MAGI2: variants seen among roughly 807,000 people sequenced by gnomAD.
MAGI2 encodes the protein membrane-associated guanylate kinase, WW and PDZ domain-containing protein 2.
A neutral mutation model predicts 133.3 loss-of-function variants in MAGI2; 35 were observed. That is an observed-to-expected ratio of 0.26 (90% CI 0.20 to 0.35). The LOEUF (loss-of-function observed/expected upper bound fraction) is 0.35. Among genes scored for constraint, MAGI2 ranks in the 10% least tolerant of loss-of-function variants. The probability of loss-of-function intolerance (pLI) is 1.00; values close to 1 mark genes in which losing one functional copy is unlikely to be tolerated. For synonymous variants in MAGI2, 729 were observed against 710.6 expected (o/e 1.03, Z -0.41); for missense variants, 1,636 against 1,863.4 (o/e 0.88, Z 2.25).
intron 10 of MAGI2, chr7:78,251,706 A>G (rs976788348): frequency 6.6e-6 from 1 of 152,226 alleles, no homozygotes; most frequent in Non-Finnish European, 1.5e-5. Context: ...TTTCTGAGAG[A>G]AATTAAAGAT....
In MAGI2 at chr7:78,953,962, A is replaced by G. The variant is rs138868319; in HGVS notation, c.418+53128T>C. On this transcript the variant is annotated intron_variant, in intron 2 of 21. Coordinates refer to ENST00000354212, the MANE Select transcript of MAGI2 (RefSeq NM_012301.4). ...TCATAGTGTTGAGGGGCTATGCTAG[A>G]TCTAAAATTTTCATTTGAAATTTTC... Among the ~76,000 whole-genome samples the G allele has an allele frequency of 2.6e-3, 393 of 152,262 alleles. 3 individuals are homozygous for G. Among genetic ancestry groups the G allele is most frequent in the African/African-American group, 9.1e-3 (380 of 41,566 alleles).
chr7:78,944,326 T>A (rs1447393699), intron 2 of MAGI2, among the ~76,000 whole-genome samples: 1 of 152,160 alleles, frequency 6.6e-6, no homozygotes, highest in Non-Finnish European at 1.5e-5. Context: ...GGCCTTTCAG[T>A]GGCTGCCCCT....
At chr7:78,312,959 T>C (rs1280494825) in intron 9 of MAGI2, among the ~76,000 whole-genome samples, 2 of 151,066 alleles carry the variant, frequency 1.3e-5, no homozygotes, top group African/African-American at 4.9e-5. Flanking sequence ...TATATAGATA[T>C]ATGTATATAC....
chr7:78,137,924 G>A (rs1323218627), intron 16 of MAGI2, among the ~76,000 whole-genome samples: 1 of 40,552 alleles, frequency 2.5e-5, no homozygotes, highest in Admixed American at 1.9e-4. Flanking sequence ...ACTGTGCTAA[G>A]TGATAATATA....
intron 3 of MAGI2, among the ~76,000 whole-genome samples, chr7:78,566,849 T>C (rs971794716): frequency 1.3e-5 from 2 of 152,150 alleles, no homozygotes; most frequent in Non-Finnish European, 1.5e-5. Flanking sequence ...AAAAAATTCA[T>C]GTAATCAGCC....
At chr7:79,115,106 TC>T (rs761779656) in intron 1 of MAGI2, among the ~76,000 whole-genome samples, 7 of 152,150 alleles carry the variant, frequency 4.6e-5, no homozygotes, top group Non-Finnish European at 8.8e-5. Flanking sequence ...TGCAAGAGGA[TC>T]GGGGGAGGAA....
intron 2 of MAGI2, among the ~76,000 whole-genome samples, chr7:78,649,867 T>TG (rs5885080): frequency 0.061 from 9,342 of 152,190 alleles, 400 homozygotes; most frequent in Non-Finnish European, 0.086. Context: ...CGCATGAAAG[T>TG]GCTGAGGATT....
At chr7:78,691,337 G>A (rs996210810) in intron 2 of MAGI2, among the ~76,000 whole-genome samples, 2 of 152,148 alleles carry the variant, frequency 1.3e-5, no homozygotes, top group African/African-American at 4.8e-5. Flanking sequence ...TGTGTGGCTT[G>A]ATTCCTGTTT....
intron 5 of MAGI2, among the ~76,000 whole-genome samples, chr7:78,499,951 ATTCT>A (rs1380572950): frequency 6.6e-6 from 1 of 152,212 alleles, no homozygotes; most frequent in Non-Finnish European, 1.5e-5. Flanking sequence ...TTTTTTAAAC[ATTCT>A]TTCTATTTTC....
At chr7:78,683,837 A>T (rs1251174435) in intron 2 of MAGI2, among the ~76,000 whole-genome samples, 1 of 152,202 alleles carries the variant, frequency 6.6e-6, no homozygotes, top group Non-Finnish European at 1.5e-5. Flanking sequence ...TCTTTGGTGG[A>T]GAACAGTACA....
chr7:79,202,278 G>A (rs1308594336), intron 1 of MAGI2, among the ~76,000 whole-genome samples: 1 of 151,906 alleles, frequency 6.6e-6, no homozygotes, highest in Non-Finnish European at 1.5e-5. Flanking sequence ...CTGGAGATGG[G>A]TGGTAAGGAA....
At chr7:78,582,335 T>C (rs1802920218) in intron 3 of MAGI2, among the ~76,000 whole-genome samples, 2 of 152,284 alleles carry the variant, frequency 1.3e-5, no homozygotes, top group South Asian at 4.1e-4. Context: ...AAACATTAGA[T>C]CTGGATATTC....
intron 2 of MAGI2, among the ~76,000 whole-genome samples, chr7:78,739,763 A>T (rs958499230): frequency 6.6e-6 from 1 of 152,156 alleles, no homozygotes; most frequent in Admixed American, 6.5e-5. Flanking sequence ...GTTTGTTTTT[A>T]ATAGGCGCCG....
At chr7:78,787,554 C>T (rs1414330984) in intron 2 of MAGI2, among the ~76,000 whole-genome samples, 1 of 152,106 alleles carries the variant, frequency 6.6e-6, no homozygotes, top group Non-Finnish European at 1.5e-5. Context: ...TCGAGTTTAG[C>T]CAGGATGAAA....
chr7:78,125,776 C>T lies in MAGI2; in HGVS notation c.3485G>A (p.Arg1162His). The T allele has an allele frequency of 6.2e-7, 1 of 1,614,118 alleles. No homozygotes were observed. The highest frequency in any genetic ancestry group is 8.5e-7 in the Non-Finnish European group (1 of 1,179,968). ...ATCCATTTTGTATTCCCTTCCTCCA[C>T]GAATGCTGAATCCAAATCCTTTGGC... is the stretch of plus-strand genomic sequence containing the variant. ...KGAKGFGFSIRGGREYKMDLY... is the reference protein window; with the variant it reads ...KGAKGFGFSIHGGREYKMDLY... Residue 1162 changes from arginine to histidine, a missense_variant, in exon 20 of 22, where the codon CGT becomes CAT. By Grantham distance (29) the Arg-to-His change is conservative. This residue lies in a region of MAGI2 where 49 missense variants were observed against 103.8 expected (regional missense o/e 0.47). Coordinates refer to ENST00000354212, the MANE Select transcript of MAGI2 (RefSeq NM_012301.4).
intron 2 of MAGI2, among the ~76,000 whole-genome samples, chr7:78,700,946 TAC>T (rs1351140065): frequency 1.6e-5 from 2 of 129,014 alleles, no homozygotes; most frequent in Admixed American, 1.6e-4. Flanking sequence ...GTAAGTGTGT[TAC>T]ATTTACATAT....
At chr7:78,732,585 T>C (rs1331962808) in intron 2 of MAGI2, among the ~76,000 whole-genome samples, 2 of 152,128 alleles carry the variant, frequency 1.3e-5, no homozygotes, top group Non-Finnish European at 2.9e-5. Flanking sequence ...ATAAAGCAAA[T>C]ATAGTAAAAT....
At chr7:79,331,710 C>A (rs1274686678) in intron 1 of MAGI2, among the ~76,000 whole-genome samples, 1 of 152,088 alleles carries the variant, frequency 6.6e-6, no homozygotes, top group Non-Finnish European at 1.5e-5. Flanking sequence ...AGTGCCATTT[C>A]TATATGACAG....
chr7:78,336,874 T>G (rs562878833), intron 9 of MAGI2, among the ~76,000 whole-genome samples: 1 of 152,264 alleles, frequency 6.6e-6, no homozygotes, highest in East Asian at 1.9e-4. Context: ...ATTTTACTAA[T>G]AAAATGGATA....
Sources: allele counts gnomAD v4.1 joint callset (sites outside exome capture counted in the v4.1 genomes callset), GRCh38; gene constraint gnomAD v4.1.1; regional missense constraint gnomAD v4.1.1; transcripts MANE v1.5; gene names NCBI Gene and HGNC (gene_info 2026-07-23, HGNC 2026-07-21).